The following ALX4 variants were observed in gnomAD, a reference collection of about 807,000 sequenced individuals.
The protein encoded by ALX4 is homeobox protein aristaless-like 4.
ALX4 carries 22 observed loss-of-function variants against 40.6 expected under a neutral mutation model. That is an observed-to-expected ratio of 0.54 (90% confidence interval 0.39 to 0.77). The LOEUF (loss-of-function observed/expected upper bound fraction) is 0.77, where lower values mean the gene tolerates loss of function less well. Ranked by LOEUF, ALX4 falls within the 30% of genes least tolerant of loss-of-function variation. The pLI is 0.00. For missense variants in ALX4, 556 were observed against 564.8 expected (o/e 0.98, Z 0.16); for synonymous variants, 266 against 240.5 (o/e 1.11, Z -0.98).
chr11:44,300,375 G>C (rs993092472), intron 1 of ALX4, among the ~76,000 whole-genome samples: 1 of 152,228 alleles, frequency 6.6e-6, no homozygotes, highest in Admixed American at 6.5e-5. Context: ...CCTCCTTGAA[G>C]TCAGAGGCCA....
At chr11:44,265,456 C>G (rs913344913) in intron 3 of ALX4, among the ~76,000 whole-genome samples, 2 of 152,090 alleles carry the variant, frequency 1.3e-5, no homozygotes, top group Non-Finnish European at 2.9e-5. Flanking sequence ...AAGGGTGACA[C>G]CCCAGCACCC....
chr11:44,263,575 A>G lies in ALX4; in HGVS notation c.*1279T>C, dbSNP rs955546865. ...AGAAGTGTAAGGACGGAGTGTGGAA[A>G]GCTGTGTGGAGAAGAGCAACACCTC... On this transcript the variant is annotated 3_prime_UTR_variant, in exon 4 of 4. Transcript: ENST00000652299. 6.6e-6 allele frequency: 1 copy of G among 152,436 alleles called. No homozygotes were observed. The highest frequency in any genetic ancestry group is 1.9e-4 in the East Asian group (1 of 5,174). 9.4% of individuals were successfully genotyped at this position (152,436 alleles called of 1,614,324 possible).
chr11:44,263,843 C>T lies in ALX4; in HGVS notation c.*1011G>A. 1 of 152,504 alleles carries T rather than the reference C, an allele frequency of 6.6e-6. No individual in the cohort carries two copies. Among genetic ancestry groups the T allele is most frequent in the Non-Finnish European group, 1.5e-5 (1 of 68,146 alleles). 9.4% of individuals were successfully genotyped at this position (152,504 alleles called of 1,614,324 possible). A position where few individuals can be genotyped will look rare whatever the true frequency, so the allele number is the denominator to read the frequency against. ...CCTTCCATGCCGGGACACTGCTGAG[C>T]AGCCCCAGGGAGGGGCCAGGGTAGG... On this transcript the variant is annotated 3_prime_UTR_variant, in exon 4 of 4. Coordinates refer to ENST00000652299, the MANE Select transcript of ALX4 (RefSeq NM_021926.4).
At chr11:44,276,583 C>T (rs1956279468) in intron 1 of ALX4, among the ~76,000 whole-genome samples, 1 of 152,236 alleles carries the variant, frequency 6.6e-6, no homozygotes, top group African/African-American at 2.4e-5. Flanking sequence ...CACTTTACCA[C>T]CACACAGCCT....
intron 1 of ALX4, among the ~76,000 whole-genome samples, chr11:44,291,595 G>C (rs941872533): frequency 3.3e-5 from 5 of 152,056 alleles, no homozygotes; most frequent in African/African-American, 9.7e-5. Flanking sequence ...AGTAGAGACA[G>C]GGTTTCACTC....
At position 44,309,675 on chromosome 11, in the gene ALX4, T is replaced by G; in HGVS notation, c.388A>C (p.Lys130Gln). The G allele has an allele frequency of 1.9e-6, 3 of 1,591,486 alleles. No individual in the cohort carries two copies. Among genetic ancestry groups the G allele is most frequent in the Non-Finnish European group, 2.6e-6 (3 of 1,173,024 alleles). Residue 130 changes from lysine to glutamine, a missense_variant, in exon 1 of 4, where the codon AAG becomes CAG. By Grantham distance (53) the Lys-to-Gln change is moderately conservative. Coordinates refer to ENST00000652299, the MANE Select transcript of ALX4 (RefSeq NM_021926.4). Reference sequence around the variant, plus strand: ...TTGAGGCTGCCGTCCGGGGGCGTCTTGCAGGCGCCTCGCTGCAAGTAAAGA... The same window carrying G: ...TTGAGGCTGCCGTCCGGGGGCGTCTGGCAGGCGCCTCGCTGCAAGTAAAGA... The part of the protein sequence containing the change: ...PHLYLQRGAC[K>Q]TPPDGSLKLQ...
chr11:44,300,559 C>A (rs1160175807), intron 1 of ALX4, among the ~76,000 whole-genome samples: 4 of 152,138 alleles, frequency 2.6e-5, no homozygotes. Flanking sequence ...TATCCTAGCA[C>A]CCTCAAAGGG....
chr11:44,291,494 C>T (rs1367670350), intron 1 of ALX4, among the ~76,000 whole-genome samples: 7 of 151,874 alleles, frequency 4.6e-5, no homozygotes, highest in Non-Finnish European at 7.4e-5. Flanking sequence ...CTGCAACCTC[C>T]GCCTTCTGGG....
At chr11:44,265,701 C>G (rs1426848345) in intron 3 of ALX4, among the ~76,000 whole-genome samples, 1 of 152,034 alleles carries the variant, frequency 6.6e-6, no homozygotes, top group Non-Finnish European at 1.5e-5. Context: ...ACCTAAACCT[C>G]TCAGAAACCA....
At chr11:44,289,551 A>G (rs1437362840) in intron 1 of ALX4, among the ~76,000 whole-genome samples, 2 of 152,174 alleles carry the variant, frequency 1.3e-5, no homozygotes, top group Non-Finnish European at 2.9e-5. Context: ...TGCCAAGTCC[A>G]CTGCCTTTCA....
chr11:44,295,102 C>G (rs1181642321), intron 1 of ALX4, among the ~76,000 whole-genome samples: 1 of 152,144 alleles, frequency 6.6e-6, no homozygotes, highest in Non-Finnish European at 1.5e-5. Flanking sequence ...CCACCTGCCT[C>G]GGCCTCCCAA....
chr11:44,297,967 A>G (rs77191467), intron 1 of ALX4, among the ~76,000 whole-genome samples: 2,627 of 152,184 alleles, frequency 0.017, 45 homozygotes, highest in Non-Finnish European at 0.021. Context: ...GGAAGCCCCA[A>G]TCCATTCACC....
intron 1 of ALX4, among the ~76,000 whole-genome samples, chr11:44,290,126 C>T (rs943175802): frequency 6.6e-6 from 1 of 152,224 alleles, no homozygotes; most frequent in Non-Finnish European, 1.5e-5. Flanking sequence ...CCCCCTAAAC[C>T]ATGTGGCCCT....
At chr11:44,292,957 G>T (rs1956378712) in intron 1 of ALX4, among the ~76,000 whole-genome samples, 1 of 151,458 alleles carries the variant, frequency 6.6e-6, no homozygotes, top group Non-Finnish European at 1.5e-5. Context: ...AAATTAGCTG[G>T]GCGTGGTGGC....
intron 1 of ALX4, among the ~76,000 whole-genome samples, chr11:44,301,562 T>A (rs1475062982): frequency 6.6e-6 from 1 of 152,126 alleles, no homozygotes; most frequent in Non-Finnish European, 1.5e-5. Context: ...GGGGTCTGCT[T>A]TACTTCTAAG....
At chr11:44,287,807 C>T (rs1410623900) in intron 1 of ALX4, among the ~76,000 whole-genome samples, 2 of 152,020 alleles carry the variant, frequency 1.3e-5, no homozygotes, top group Non-Finnish European at 2.9e-5. Flanking sequence ...AGATTGGCCC[C>T]CTTGCAACAA....
At position 44,264,858 on chromosome 11, in the gene ALX4, G is replaced by A. The variant is rs1457062170; in HGVS notation, c.1232C>T (p.Thr411Ile). 1 of 1,612,790 alleles carries A rather than the reference G, an allele frequency of 6.2e-7. No homozygotes were observed. Among genetic ancestry groups the A allele is most frequent in the Non-Finnish European group, 8.5e-7 (1 of 1,179,920 alleles). ...KEHSAAISWAT is the reference protein window; with the variant it reads ...KEHSAAISWAI Reference sequence around the variant, plus strand: ...GGACGGGGCAGGGGTGCCCTGTCATGTGGCCCAGGAAATGGCCGCACTGTG... The same window carrying A: ...GGACGGGGCAGGGGTGCCCTGTCATATGGCCCAGGAAATGGCCGCACTGTG... The change falls in exon 4 of 4, where the codon ACA becomes ATA. Residue 411 changes from threonine to isoleucine, a missense_variant. Physicochemically the swap from Thr to Ile is moderately conservative, Grantham distance 89 (BLOSUM62 -1). Transcript: ENST00000652299.
chr11:44,291,341 G>GT (rs1956367719), intron 1 of ALX4, among the ~76,000 whole-genome samples: 1 of 152,146 alleles, frequency 6.6e-6, no homozygotes, highest in Non-Finnish European at 1.5e-5. Flanking sequence ...CGCCCTGCCT[G>GT]TTGTCACTGT....
intron 1 of ALX4, among the ~76,000 whole-genome samples, chr11:44,291,533 C>T (rs976772454): frequency 2.0e-5 from 3 of 152,074 alleles, no homozygotes; most frequent in Non-Finnish European, 4.4e-5. Flanking sequence ...CTCAGCCTTC[C>T]GTGTAGCTGA....
Sources: allele counts gnomAD v4.1 joint callset (sites outside exome capture counted in the v4.1 genomes callset), GRCh38; gene constraint gnomAD v4.1.1; transcripts MANE v1.5; gene names NCBI Gene and HGNC (gene_info 2026-07-23, HGNC 2026-07-21).